GCFC2: variants seen among roughly 807,000 people sequenced by gnomAD.
GCFC2 encodes GC-rich sequence DNA-binding factor 2.
In GCFC2, 102 loss-of-function variants were observed where a neutral mutation model predicts 99.4. The observed-to-expected ratio is 1.03, with a 90% CI of 0.87 to 1.21. The LOEUF (loss-of-function observed/expected upper bound fraction) is 1.21, where lower values mean the gene tolerates loss of function less well. GCFC2 is among the 50% of genes most tolerant of loss of function. The pLI, the probability that GCFC2 is intolerant of heterozygous loss-of-function variation, is 0.00. For synonymous variants in GCFC2, 338 were observed against 316.8 expected, an observed-to-expected ratio of 1.07 and a Z score of -0.71; for missense variants, 973 against 920.9, an observed-to-expected ratio of 1.06 and a Z score of -0.73.
Position 75,665,974 on chromosome 2 carries a change from T to C in GCFC2, c.2183A>G (p.Gln728Arg), listed in dbSNP as rs1289408116. The C allele has an allele frequency of 2.5e-6, 4 of 1,600,808 alleles. No homozygotes were observed. The highest frequency in any genetic ancestry group is 1.7e-5 in the Admixed American group (1 of 59,636). Residue 728 changes from glutamine to arginine, a missense_variant, in exon 16 of 17, where the codon CAG becomes CGG. By Grantham distance (43) the Gln-to-Arg change is conservative. Coordinates refer to ENST00000321027, the MANE Select transcript of GCFC2 (RefSeq NM_003203.5). ...TSIPQLENFI[Q>R]FLLQSAHKLS... ...TTTATGTGCAGACTGCAATAAAAAC[T>C]GAATGAAGTTTTCTAGCTGTGGAAT...
upstream of GCFC2, among the ~76,000 whole-genome samples, chr2:75,711,565 C>A (rs976147275): frequency 2.6e-5 from 4 of 152,230 alleles, no homozygotes; most frequent in Non-Finnish European, 4.4e-5. Flanking sequence ...TGAGCTACTG[C>A]ACACCTGTTA....
At chr2:75,711,329 C>G, upstream of GCFC2, 3 of 347,370 alleles carry the variant, frequency 8.6e-6, no homozygotes, top group Non-Finnish European at 1.2e-5. Context: ...GGAGGAGATG[C>G]CTTTGAGAAC....
chr2:75,707,957 A>C (rs1680947760), intron 1 of GCFC2, among the ~76,000 whole-genome samples: 1 of 152,176 alleles, frequency 6.6e-6, no homozygotes, highest in Non-Finnish European at 1.5e-5. Flanking sequence ...CCTTGAGTAC[A>C]CATGTTTAAT....
At position 75,670,295 on chromosome 2, in the gene GCFC2, A is replaced by G. The variant is rs936923512; in HGVS notation, c.1957-11T>C. 1.9e-6 allele frequency: 3 copies of G among 1,565,710 alleles called. No homozygotes were observed. Among genetic ancestry groups the G allele is most frequent in the African/African-American group, 1.4e-5 (1 of 74,016 alleles). On this transcript the variant is annotated splice_polypyrimidine_tract_variant and intron_variant, in intron 14 of 16. Transcript: ENST00000321027. ...AATATTGCGGAAGAGCTAAAATAAA[A>G]TATCAAGTAAATATGTACCTTTTCT...
At chr2:75,697,845 A>T (rs905199250) in intron 4 of GCFC2, 13 of 152,794 alleles carry the variant, frequency 8.5e-5, no homozygotes, top group African/African-American at 2.9e-4. Flanking sequence ...TGTGGCCACA[A>T]GCCAAGGCAT....
chr2:75,673,262 C>T (rs1049268978), intron 13 of GCFC2, among the ~76,000 whole-genome samples, 182 bp downstream of exon 13: 1 of 151,450 alleles, frequency 6.6e-6, no homozygotes, highest in South Asian at 2.1e-4. Context: ...GAGCCGAGAT[C>T]GCGCCACTGC....
rs750759938 is a variant in GCFC2, at chr2:75,670,278, G to A, written c.1963C>T (p.Arg655Cys). 30 of 1,597,054 alleles carry A rather than the reference G, an allele frequency of 1.9e-5. No homozygotes were observed. Among genetic ancestry groups the A allele is most frequent in the South Asian group, 7.7e-5 (7 of 90,646 alleles). Residue 655 changes from arginine (R) to cysteine (C), a missense_variant, in exon 15 of 17, where the codon CGC (arginine) becomes TGC (cysteine). Transcript: ENST00000321027. ...AGTCCATTCCAAAGAAGAATATTGC[G>A]GAAGAGCTAAAATAAAATATCAAGT... is the stretch of plus-strand genomic sequence containing the variant. ...RQFWSGLKLF[R>C]NILLWNGLLT... is the part of the protein sequence containing the mutation.
chr2:75,667,121 G>A (rs1206598832), intron 15 of GCFC2, among the ~76,000 whole-genome samples: 5 of 152,082 alleles, frequency 3.3e-5, no homozygotes, highest in Admixed American at 2.0e-4. Context: ...AGATTTCAGG[G>A]GCTGAGAAAA....
chr2:75,706,004 G>A (rs11681342), intron 2 of GCFC2, among the ~76,000 whole-genome samples: 28,989 of 152,188 alleles, frequency 0.19, 3,470 homozygotes, highest in South Asian at 0.26. Flanking sequence ...CCCTGAACTA[G>A]ACTGATCTTT....
intron 11 of GCFC2, among the ~76,000 whole-genome samples, chr2:75,684,818 A>G (rs1679739551): frequency 6.6e-6 from 1 of 152,218 alleles, no homozygotes; most frequent in South Asian, 2.1e-4. Context: ...AATGCCCATC[A>G]ATGATAGACT....
chr2:75,673,566 G>T, intron 12 of GCFC2, 46 bp from the exon 13 acceptor site: 1 of 810,736 alleles, frequency 1.2e-6, no homozygotes, highest in Non-Finnish European at 2.1e-6. Flanking sequence ...AGATAGAAAT[G>T]TATTTACCAA....
chr2:75,711,329 C>A (rs1681175104), upstream of GCFC2: 2 of 347,252 alleles, frequency 5.8e-6, no homozygotes, highest in South Asian at 2.3e-4. Flanking sequence ...GGAGGAGATG[C>A]CTTTGAGAAC....
Position 75,692,022 on chromosome 2 carries a change from GC to G in GCFC2, c.1098del (p.Arg366SerfsTer5). 1 of 1,563,352 alleles carries G rather than the reference GC, an allele frequency of 6.4e-7. No homozygotes were observed. The highest frequency in any genetic ancestry group is 8.7e-7 in the Non-Finnish European group (1 of 1,148,392). ...GTTGATTCATGTTTTAATTCATCTTGCCTGCGTTTCATAAAGGTCATAGCTT... is the reference window on the plus strand; with the variant it reads ...GTTGATTCATGTTTTAATTCATCTTGCTGCGTTTCATAAAGGTCATAGCTT... ...LKQAMTFMKR[R>X]QDELKHESTY... On this transcript the variant is annotated frameshift_variant, in exon 7 of 17. Coordinates refer to ENST00000321027, the MANE Select transcript of GCFC2 (RefSeq NM_003203.5). LOFTEE classifies it high-confidence loss of function.
chr2:75,709,697 G>T (rs932730434), intron 1 of GCFC2, among the ~76,000 whole-genome samples: 14 of 152,144 alleles, frequency 9.2e-5, no homozygotes, highest in African/African-American at 3.4e-4. Flanking sequence ...GATAGTAAGT[G>T]TTCTCACCAC....
chr2:75,667,260 C>G (rs533853241), intron 15 of GCFC2, among the ~76,000 whole-genome samples: 6 of 152,070 alleles, frequency 3.9e-5, no homozygotes, highest in African/African-American at 1.4e-4. Flanking sequence ...GGAAACTGAT[C>G]GTTCTGTTTG....
At chr2:75,666,153 C>A in intron 15 of GCFC2, 100 bp from the exon 16 acceptor site, 1 of 818,368 alleles carries the variant, frequency 1.2e-6, no homozygotes, top group South Asian at 2.3e-5. Flanking sequence ...ATCATTCTCC[C>A]CATTTTATAG....
chr2:75,672,180 T>C (rs1001846429), intron 13 of GCFC2, among the ~76,000 whole-genome samples, 164 bp from the exon 14 acceptor site: 11 of 145,950 alleles, frequency 7.5e-5, no homozygotes, highest in African/African-American at 2.7e-4. Flanking sequence ...TATATTTATT[T>C]ATAAAATATA....
chr2:75,710,461 C>G (rs1681097183), intron 1 of GCFC2, 130 bp downstream of exon 1: 1 of 1,374,678 alleles, frequency 7.3e-7, no homozygotes, highest in African/African-American at 1.5e-5. Context: ...ATAAGTCTTT[C>G]TGGATAAGAC....
Position 75,674,596 on chromosome 2 carries a change from A to G in GCFC2, c.1813-1076T>C, listed in dbSNP as rs58828045. Among the ~76,000 whole-genome samples the G allele has an allele frequency of 5.4e-3, 828 of 152,122 alleles. 7 individuals are homozygous for G. The highest frequency in any genetic ancestry group is 0.018 in the African/African-American group (763 of 41,526). On this transcript the variant is annotated intron_variant, in intron 12 of 16. Transcript: ENST00000321027. ...TGTTTATTTTTTTCATATATTAGCAATATTTATATTATTTATATAATGATA... is the reference window on the plus strand; with the variant it reads ...TGTTTATTTTTTTCATATATTAGCAGTATTTATATTATTTATATAATGATA...
Sources: allele counts gnomAD v4.1 joint callset (sites outside exome capture counted in the v4.1 genomes callset), GRCh38; gene constraint gnomAD v4.1.1; transcripts MANE v1.5; gene names NCBI Gene and HGNC (gene_info 2026-07-23, HGNC 2026-07-21).